MCPH1: variants seen among roughly 807,000 people sequenced by gnomAD.
MCPH1 encodes microcephalin.
In MCPH1, 104 loss-of-function variants were observed where a neutral mutation model predicts 84.5. The observed-to-expected ratio is 1.23, with a 90% CI of 1.05 to 1.45. The LOEUF is 1.45. MCPH1 is among the 40% of genes most tolerant of loss of function. MCPH1 has a pLI of 0.00. For synonymous variants in MCPH1, 514 were observed against 366.8 expected (o/e 1.40, Z -4.58); for missense variants, 1,498 against 1,005.7 (o/e 1.49, Z -6.62).
chr8:6,426,399 G>C (rs1801066618), intron 3 of MCPH1, among the ~76,000 whole-genome samples: 1 of 152,172 alleles, frequency 6.6e-6, no homozygotes, highest in Non-Finnish European at 1.5e-5. Context: ...TGTCATTAAA[G>C]ATTAGTGTCA....
intron 12 of MCPH1, among the ~76,000 whole-genome samples, chr8:6,523,023 A>G (rs1199163325): frequency 6.6e-6 from 1 of 150,846 alleles, no homozygotes; most frequent in African/African-American, 2.4e-5. Context: ...TTTGAGATGG[A>G]GTCTCGCTCT....
intron 12 of MCPH1, chr8:6,509,164 C>T (rs1394498881): frequency 6.8e-7 from 1 of 1,462,118 alleles, no homozygotes; most frequent in Non-Finnish European, 9.2e-7. Context: ...GAAGCGTGTT[C>T]TGTACTCGTT....
chr8:6,643,749 T>A lies in MCPH1; in HGVS notation c.*700T>A, dbSNP rs1798078772. On this transcript the variant is annotated 3_prime_UTR_variant, in exon 14 of 14. Coordinates refer to ENST00000344683, the MANE Select transcript of MCPH1 (RefSeq NM_024596.5). ...TTGTCAGCTATTAAGGTGACTTTTA[T>A]CTAGCGGAGATTCCTCTCTTAAAGT... 1 of 149,706 alleles carries A rather than the reference T, an allele frequency of 6.7e-6. No homozygotes were observed. The highest frequency in any genetic ancestry group is 6.6e-5 in the Admixed American group (1 of 15,188). The allele number at this position is 149,706 out of a possible 1,614,324, so 9.3% of individuals were successfully genotyped here.
chr8:6,618,242 G>C (rs763841922), intron 12 of MCPH1, among the ~76,000 whole-genome samples: 2 of 152,240 alleles, frequency 1.3e-5, no homozygotes, highest in African/African-American at 4.8e-5. Flanking sequence ...GTGATACAAT[G>C]AGAACACCGC....
chr8:6,587,690 C>G (rs924595133), intron 12 of MCPH1, among the ~76,000 whole-genome samples: 1 of 152,212 alleles, frequency 6.6e-6, no homozygotes, highest in African/African-American at 2.4e-5. Flanking sequence ...AGGTTGCAGC[C>G]TCATGCTTCT....
At chr8:6,464,344 C>G (rs2515583) in intron 9 of MCPH1, among the ~76,000 whole-genome samples, 99,724 of 152,124 alleles carry the variant, frequency 0.66, 36,691 homozygotes, top group Non-Finnish European at 0.83. Flanking sequence ...ACAGCTGCCT[C>G]TTGATAGCCT....
intron 12 of MCPH1, among the ~76,000 whole-genome samples, chr8:6,579,883 A>T (rs776165287): frequency 6.6e-6 from 1 of 152,174 alleles, no homozygotes; most frequent in Non-Finnish European, 1.5e-5. Context: ...CCACAGTCAC[A>T]CTGCCCACAC....
intron 12 of MCPH1, chr8:6,619,128 C>G (rs573543674): frequency 1.3e-5 from 2 of 151,792 alleles, no homozygotes; most frequent in East Asian, 1.9e-4. Context: ...TAGCTCAGAC[C>G]CATCCTGGGA....
chr8:6,625,027 A>C (rs1010198798), intron 13 of MCPH1: 22 of 485,828 alleles, frequency 4.5e-5, no homozygotes, highest in Admixed American at 1.3e-4. Context: ...AGGCCCCGCC[A>C]CCATGCCCAG....
chr8:6,572,955 C>T (rs932723589), intron 12 of MCPH1, among the ~76,000 whole-genome samples: 1 of 152,268 alleles, frequency 6.6e-6, no homozygotes, highest in Admixed American at 6.5e-5. Context: ...AGAACATACT[C>T]TGCCCTTTCT....
At chr8:6,514,866 G>A (rs1008353846) in intron 12 of MCPH1, 18 of 1,109,758 alleles carry the variant, frequency 1.6e-5, no homozygotes, top group East Asian at 9.5e-5. Context: ...GACCCTGAGT[G>A]CAGGACTCAG....
chr8:6,611,635 T>TG (rs71213325), intron 12 of MCPH1, among the ~76,000 whole-genome samples: 1 of 151,606 alleles, frequency 6.6e-6, no homozygotes, highest in Non-Finnish European at 1.5e-5. Context: ...TATTTTTTTT[T>TG]AAAGACATAG....
intron 12 of MCPH1, among the ~76,000 whole-genome samples, chr8:6,511,110 T>C (rs937586402): frequency 5.3e-5 from 8 of 152,252 alleles, no homozygotes; most frequent in Non-Finnish European, 1.0e-4. Context: ...TGGAACTTGT[T>C]AAATTATCCC....
intron 12 of MCPH1, among the ~76,000 whole-genome samples, chr8:6,588,161 C>T (rs1489160931): frequency 3.9e-5 from 6 of 152,048 alleles, no homozygotes; most frequent in Non-Finnish European, 8.8e-5. Context: ...CAGGCTGACA[C>T]TGGGGCCAGA....
chr8:6,541,973 A>C (rs1370860192), intron 12 of MCPH1, among the ~76,000 whole-genome samples: 1 of 150,598 alleles, frequency 6.6e-6, no homozygotes, highest in African/African-American at 2.5e-5. Flanking sequence ...GTGCCACTGC[A>C]CTCCAGCCTG....
At chr8:6,505,798 A>G (rs1813540917) in intron 12 of MCPH1, among the ~76,000 whole-genome samples, 1 of 121,268 alleles carries the variant, frequency 8.2e-6, no homozygotes, top group South Asian at 2.5e-4. Flanking sequence ...ATATATAAAA[A>G]CATGCATATT....
chr8:6,432,292 G>A (rs997605934), intron 4 of MCPH1, among the ~76,000 whole-genome samples: 1 of 152,050 alleles, frequency 6.6e-6, no homozygotes, highest in African/African-American at 2.4e-5. Flanking sequence ...AGTAATCTCT[G>A]GATTATTTAA....
chr8:6,432,114 A>ACACAAATC (rs1371626386), intron 4 of MCPH1, among the ~76,000 whole-genome samples: 2 of 152,212 alleles, frequency 1.3e-5, no homozygotes. Context: ...CATGTAACCT[A>ACACAAATC]CACAAATCCT....
At chr8:6,510,541 C>G (rs1814836438) in intron 12 of MCPH1, among the ~76,000 whole-genome samples, 1 of 152,190 alleles carries the variant, frequency 6.6e-6, no homozygotes, top group South Asian at 2.1e-4. Flanking sequence ...GGTGCTTACA[C>G]CTGCATGCAC....
Sources: gnomAD v4.1 joint callset for allele counts (sites outside exome capture counted in the v4.1 genomes callset) on GRCh38, gnomAD v4.1.1 for gene constraint, MANE v1.5 for transcripts, NCBI Gene and HGNC (gene_info 2026-07-23, HGNC 2026-07-21) for gene names.